Variants in CACNA2D1 observed in about 807,000 individuals in gnomAD.
CACNA2D1 encodes voltage-dependent calcium channel subunit alpha-2/delta-1.
In CACNA2D1, 53 loss-of-function variants were observed where a neutral mutation model predicts 171.5. The ratio of observed to expected loss-of-function variants is 0.31; its 90% CI spans 0.25 to 0.39. The LOEUF (loss-of-function observed/expected upper bound fraction) is 0.39. CACNA2D1 is among the 10% of genes least tolerant of loss of function. The probability of loss-of-function intolerance (pLI) is 1.00; values close to 1 mark genes in which losing one functional copy is unlikely to be tolerated. For synonymous variants in CACNA2D1, 442 were observed against 443.1 expected (o/e 1.00, Z 0.03); for missense variants, 903 against 1,299.8 (o/e 0.69, Z 4.69).
chr7:82,379,782 C>G (rs1161617013), intron 1 of CACNA2D1, among the ~76,000 whole-genome samples: 1 of 152,156 alleles, frequency 6.6e-6, no homozygotes, highest in East Asian at 1.9e-4. Flanking sequence ...AGTGCCAACT[C>G]ATTCCTTCTA....
intron 10 of CACNA2D1, among the ~76,000 whole-genome samples, chr7:82,049,079 ACTCTCTTT>A (rs1203661148): frequency 6.7e-6 from 1 of 149,838 alleles, no homozygotes; most frequent in Non-Finnish European, 1.5e-5. Context: ...CTTCTTATAA[ACTCTCTTT>A]ATATTTCCAA....
chr7:81,999,169 C>T (rs1389830883), intron 18 of CACNA2D1, among the ~76,000 whole-genome samples: 1 of 152,022 alleles, frequency 6.6e-6, no homozygotes, highest in Non-Finnish European at 1.5e-5. Context: ...AAGATCATGT[C>T]CCAATCCAGC....
rs577280174 is a variant in CACNA2D1 at position 82,440,371 on chromosome 7, T to C, written c.95+2994A>G. Among the ~76,000 whole-genome samples, 3 of 151,948 alleles carry C rather than the reference T, an allele frequency of 2.0e-5. No individual in the cohort carries two copies. The South Asian group carries it at 6.2e-4, about 31-fold the overall frequency. ...ACACATGTAATTCTAAATATTAAAA[T>C]AGAAGTCTTTTAACATGTGACAAGA... On this transcript the variant is annotated intron_variant, in intron 1 of 38. Transcript: ENST00000356860.
Position 81,991,235 on chromosome 7 carries a change from G to T in CACNA2D1, c.1746C>A (p.Asp582Glu). The part of the protein sequence containing the change: ...LVKSQDERYI[D>E]KGNRTYTWTP... ...TCCATGTGTATGTCCTGTTTCCTTT[G>T]TCAATATATCTCTAGAAAGAAGTTT... The change falls in exon 21 of 39, where the codon GAC becomes GAA. Residue 582 changes from aspartate to glutamate, a missense_variant. This residue lies in a region of CACNA2D1 where 623 missense variants were observed against 925.5 expected (regional missense o/e 0.67). Coordinates refer to ENST00000356860, the MANE Select transcript of CACNA2D1 (RefSeq NM_000722.4). The T allele has an allele frequency of 1.3e-6, 2 of 1,507,630 alleles. No homozygotes were observed. Among genetic ancestry groups the T allele is most frequent in the Non-Finnish European group, 1.8e-6 (2 of 1,083,526 alleles). 93.4% of individuals were successfully genotyped at this position (1,507,630 alleles called of 1,614,324 possible).
In CACNA2D1 at chr7:82,344,350, G is replaced by A. The variant is rs568821133; in HGVS notation, c.177+5218C>T. Among the ~76,000 whole-genome samples, 96 of 152,282 alleles carry A rather than the reference G, an allele frequency of 6.3e-4. No individual in the cohort carries two copies. The Middle Eastern group carries it at 0.014, about 22-fold the overall frequency. On this transcript the variant is annotated intron_variant, in intron 2 of 38. Transcript: ENST00000356860. ...ATGCCAGGGCACAAAACAGCCCCTG[G>A]CTGAGAACCATTGCACTAAATATAT...
chr7:82,208,255 TA>T (rs1800210144), intron 3 of CACNA2D1, among the ~76,000 whole-genome samples: 1 of 152,170 alleles, frequency 6.6e-6, no homozygotes, highest in Admixed American at 6.6e-5. Flanking sequence ...TATATGTATG[TA>T]AATAATATAC....
intron 4 of CACNA2D1, among the ~76,000 whole-genome samples, chr7:82,147,612 G>C (rs113335328): frequency 1.3e-5 from 2 of 152,094 alleles, no homozygotes; most frequent in African/African-American, 4.8e-5. Context: ...CTTGACTCAT[G>C]ATCCAGGTCA....
chr7:82,348,798 T>C (rs996646704), intron 2 of CACNA2D1, among the ~76,000 whole-genome samples: 9 of 152,254 alleles, frequency 5.9e-5, no homozygotes, highest in East Asian at 3.9e-4. Context: ...AAAGGCCTCA[T>C]TGCATCACTA....
intron 1 of CACNA2D1, among the ~76,000 whole-genome samples, chr7:82,392,763 G>C (rs1315984628): frequency 6.6e-6 from 1 of 151,946 alleles, no homozygotes; most frequent in Non-Finnish European, 1.5e-5. Flanking sequence ...GGTACCTTGG[G>C]GAAAAGAAAA....
chr7:82,409,251 C>T (rs1031260188), intron 1 of CACNA2D1, among the ~76,000 whole-genome samples: 2 of 152,042 alleles, frequency 1.3e-5, no homozygotes, highest in Non-Finnish European at 2.9e-5. Context: ...TACTGAAAGT[C>T]TTGTGACTTT....
At chr7:82,114,696 C>T (rs1350526309) in intron 6 of CACNA2D1, among the ~76,000 whole-genome samples, 3 of 146,138 alleles carry the variant, frequency 2.1e-5, no homozygotes, top group Non-Finnish European at 4.5e-5. Flanking sequence ...GCAGAGGTTG[C>T]AGTGAGCTGA....
intron 24 of CACNA2D1, 85 bp downstream of exon 24, chr7:81,982,482 C>A (rs1000605644): frequency 1.4e-5 from 11 of 793,688 alleles, no homozygotes; most frequent in Non-Finnish European, 2.5e-5. Context: ...TGGAACTAAC[C>A]CAGAGCAGTC....
chr7:82,403,519 T>C (rs1408694579), intron 1 of CACNA2D1, among the ~76,000 whole-genome samples: 4 of 152,204 alleles, frequency 2.6e-5, no homozygotes, highest in Non-Finnish European at 5.9e-5. Context: ...TGGTTTCACT[T>C]AGGGTAGCAA....
At chr7:82,262,186 C>T (rs1807204878) in intron 3 of CACNA2D1, among the ~76,000 whole-genome samples, 1 of 152,116 alleles carries the variant, frequency 6.6e-6, no homozygotes, top group Non-Finnish European at 1.5e-5. Context: ...AACAAATTAG[C>T]CAGGCGTGGT....
At chr7:82,258,456 C>A (rs1242004688) in intron 3 of CACNA2D1, among the ~76,000 whole-genome samples, 1 of 152,116 alleles carries the variant, frequency 6.6e-6, no homozygotes, top group Non-Finnish European at 1.5e-5. Flanking sequence ...GTATTCCTGG[C>A]AGGTCCATCA....
At chr7:82,202,158 T>C (rs1245241443) in intron 3 of CACNA2D1, among the ~76,000 whole-genome samples, 1 of 152,194 alleles carries the variant, frequency 6.6e-6, no homozygotes, top group Non-Finnish European at 1.5e-5. Context: ...GGAGCCACTA[T>C]TGTATGTACA....
rs2237521 is a variant in CACNA2D1, at chr7:82,339,854, A to G, written c.178-4603T>C. The stretch of plus-strand genomic sequence containing the variant: ...ATATGTTGTTACATAGCAAAAGGGA[A>G]TTAAGTTTGCAGATGGAATTAAATT... On this transcript the variant is annotated intron_variant, in intron 2 of 38. Coordinates refer to ENST00000356860, the MANE Select transcript of CACNA2D1 (RefSeq NM_000722.4). 5.1e-3 allele frequency among the ~76,000 whole-genome samples: 781 copies of G among 152,330 alleles called. 21 individuals carry two copies. The East Asian group carries it at 0.081, about 16-fold the overall frequency.
intron 38 of CACNA2D1, among the ~76,000 whole-genome samples, chr7:81,956,487 A>T (rs1038919876): frequency 5.3e-5 from 8 of 152,162 alleles, no homozygotes; most frequent in Admixed American, 5.2e-4. Context: ...ACTACCTATG[A>T]ACTTCTTTCA....
At chr7:82,184,662 A>G (rs1797482041) in intron 3 of CACNA2D1, among the ~76,000 whole-genome samples, 1 of 152,150 alleles carries the variant, frequency 6.6e-6, no homozygotes, top group Admixed American at 6.6e-5. Flanking sequence ...TCGAGTCTCA[A>G]GTACAAAGTT....
Sources: allele counts gnomAD v4.1 joint callset (sites outside exome capture counted in the v4.1 genomes callset), GRCh38; gene constraint gnomAD v4.1.1; regional missense constraint gnomAD v4.1.1; transcripts MANE v1.5; gene names NCBI Gene and HGNC (gene_info 2026-07-23, HGNC 2026-07-21).